FLT3: variants seen among roughly 807,000 people sequenced by gnomAD.
FLT3 encodes the protein fms related receptor tyrosine kinase 3.
In FLT3, 46 loss-of-function variants were observed where a neutral mutation model predicts 126.6. That is an observed-to-expected ratio of 0.36 (90% CI 0.29 to 0.46). The LOEUF (loss-of-function observed/expected upper bound fraction) is 0.46. Among genes scored for constraint, FLT3 ranks in the 20% least tolerant of loss-of-function variants. FLT3 has a pLI of 1.00. For synonymous variants in FLT3, 404 were observed against 434.4 expected, an observed-to-expected ratio of 0.93 and a Z score of 0.87; for missense variants, 1,069 against 1,190.3, an observed-to-expected ratio of 0.90 and a Z score of 1.50.
At position 28,038,609 on chromosome 13, in the gene FLT3, C is replaced by T. The variant is rs188375263; in HGVS notation, c.1206-1321G>A. 7.1e-3 allele frequency among the ~76,000 whole-genome samples: 1,087 copies of T among 152,054 alleles called. 6 individuals carry two copies. Among genetic ancestry groups the T allele is most frequent in the Non-Finnish European group, 0.012 (836 of 67,980 alleles). On this transcript the variant is annotated intron_variant, in intron 9 of 23. Coordinates refer to ENST00000241453, the MANE Select transcript of FLT3 (RefSeq NM_004119.3). ...CTGGGACTACAGGCTCCTGCCACCA[C>T]GCCCGGCTAATTTTTTATATTTTTT... is the stretch of plus-strand genomic sequence containing the variant.
At chr13:28,049,351 A>G in intron 8 of FLT3, 33 bp downstream of exon 8, 1 of 1,590,270 alleles carries the variant, frequency 6.3e-7, no homozygotes, top group Non-Finnish European at 8.6e-7. Context: ...GACTAAAAAT[A>G]GGAATAAAGA....
chr13:28,093,655 G>A (rs1326597584), intron 1 of FLT3, among the ~76,000 whole-genome samples: 3 of 152,020 alleles, frequency 2.0e-5, no homozygotes, highest in Non-Finnish European at 2.9e-5. Flanking sequence ...TTCTTTCTCT[G>A]ACAAGTCTTA....
chr13:28,083,718 G>A (rs1239453964), intron 1 of FLT3, among the ~76,000 whole-genome samples: 1 of 152,126 alleles, frequency 6.6e-6, no homozygotes, highest in Non-Finnish European at 1.5e-5. Context: ...TTGATAGTAT[G>A]TGTCTTTTAT....
chr13:28,091,828 G>A (rs1879126419), intron 1 of FLT3, among the ~76,000 whole-genome samples: 1 of 152,122 alleles, frequency 6.6e-6, no homozygotes, highest in South Asian at 2.1e-4. Flanking sequence ...CCAGCACTTT[G>A]GGAGGCCAAG....
At chr13:28,014,124 T>C (rs1463751347) in intron 23 of FLT3, among the ~76,000 whole-genome samples, 2 of 151,946 alleles carry the variant, frequency 1.3e-5, no homozygotes, top group African/African-American at 4.8e-5. Context: ...ATAAAAAACT[T>C]AGCCTGGCGT....
rs74601498 is a variant in FLT3, at chr13:28,047,168, C to T, written c.1205+1107G>A. Among the ~76,000 whole-genome samples, 41 of 152,248 alleles carry T rather than the reference C, an allele frequency of 2.7e-4. No individual in the cohort carries two copies. In the East Asian group the frequency reaches 6.2e-3, roughly 23 times the overall value. On this transcript the variant is annotated intron_variant, in intron 9 of 23. Coordinates refer to ENST00000241453, the MANE Select transcript of FLT3 (RefSeq NM_004119.3). ...GTCTGGAATGGGAGCCAGGAATCCA[C>T]ATTTTAAACATTTGCTCAGATGATT...
At position 28,035,627 on chromosome 13, in the gene FLT3, T is replaced by C. The variant is rs1302960705; in HGVS notation, c.1465A>G (p.Arg489Gly). 3 of 1,614,058 alleles carry C rather than the reference T, an allele frequency of 1.9e-6. No individual in the cohort carries two copies. In the African/African-American group the frequency reaches 4.0e-5, roughly 22 times the overall value. The change falls in exon 12 of 24, where the codon AGA becomes GGA. Residue 489 changes from arginine to glycine, a missense_variant. Transcript: ENST00000241453. ...TEGVWNRKAN[R>G]KVFGQWVSSS... ...GACACCCACTGTCCAAACACTTTTC[T>C]GTTAGCCTTTCTATTCCAGACTCCT... is the stretch of plus-strand genomic sequence containing the variant.
At chr13:28,058,147 C>T (rs1876182498) in intron 3 of FLT3, among the ~76,000 whole-genome samples, 1 of 148,602 alleles carries the variant, frequency 6.7e-6, no homozygotes, top group Admixed American at 6.8e-5. Context: ...TCACTTGAGC[C>T]CAGGAGGTCA....
rs773417784 is a variant in FLT3, at chr13:28,057,327, T to C, written c.484+20A>G. On this transcript the variant is annotated intron_variant, in intron 4 of 23. Transcript: ENST00000241453. ...ATTGTGGTATTCCAGGCTGGAATAC[T>C]AGTAGCAGGCTGGACTTACTTCTTA... The C allele has an allele frequency of 9.9e-7, 1 of 1,010,574 alleles. No individual in the cohort carries two copies. The highest frequency in any genetic ancestry group is 1.6e-6 in the Non-Finnish European group (1 of 628,322). The allele number at this position is 1,010,574 out of a possible 1,614,324, so 62.6% of individuals were successfully genotyped here.
intron 1 of FLT3, among the ~76,000 whole-genome samples, chr13:28,092,915 CTTTTTTTT>C (rs780584936): frequency 2.2e-5 from 2 of 89,828 alleles, no homozygotes; most frequent in Non-Finnish European, 4.0e-5. Context: ...CCAGAGACTA[CTTTTTTTT>C]TTTTTTTTTT....
intron 23 of FLT3, among the ~76,000 whole-genome samples, chr13:28,007,460 T>G (rs1260844829): frequency 6.6e-6 from 1 of 152,110 alleles, no homozygotes; most frequent in East Asian, 1.9e-4. Context: ...TTGCCCAGTC[T>G]GGTCTCAAAC....
intron 6 of FLT3, 143 bp from the exon 7 acceptor site, chr13:28,049,917 G>C: frequency 9.1e-7 from 1 of 1,101,850 alleles, no homozygotes; most frequent in Admixed American, 2.7e-5. Context: ...TTTAGAGACT[G>C]ACTCCTCTTT....
intron 23 of FLT3, among the ~76,000 whole-genome samples, chr13:28,010,775 G>A (rs1871286878): frequency 6.6e-6 from 1 of 152,188 alleles, no homozygotes; most frequent in South Asian, 2.1e-4. Context: ...GGGAGGCCGA[G>A]GCAGGCGAAT....
intron 23 of FLT3, among the ~76,000 whole-genome samples, chr13:28,009,036 G>A (rs927295349): frequency 6.6e-6 from 1 of 151,912 alleles, no homozygotes; most frequent in African/African-American, 2.4e-5. Flanking sequence ...GAGTGCAGCA[G>A]CCCAGTTATA....
At chr13:28,084,245 A>C (rs772962866) in intron 1 of FLT3, among the ~76,000 whole-genome samples, 1 of 151,996 alleles carries the variant, frequency 6.6e-6, no homozygotes, top group South Asian at 2.1e-4. Context: ...TTGCCACCTC[A>C]GCCTCCAAAA....
intron 2 of FLT3, among the ~76,000 whole-genome samples, chr13:28,063,832 A>G (rs1315862770): frequency 6.6e-6 from 1 of 152,238 alleles, no homozygotes; most frequent in Non-Finnish European, 1.5e-5. Context: ...TCCCATAAAA[A>G]GATACCAAAT....
intron 10 of FLT3, among the ~76,000 whole-genome samples, chr13:28,036,732 C>T (rs1873868456): frequency 6.6e-6 from 1 of 152,194 alleles, no homozygotes; most frequent in South Asian, 2.1e-4. Context: ...AATCCTAGCA[C>T]TTTGGGAGGC....
In FLT3 at chr13:28,025,658, C is replaced by T. The variant is rs969165291; in HGVS notation, c.2208-715G>A. ...CAGTGAACAGAACGAATCAAAGGGG[C>T]TAAGTACTGACCAGTGGATACTGGT... On this transcript the variant is annotated intron_variant, in intron 17 of 23. Transcript: ENST00000241453. 2.4e-4 allele frequency among the ~76,000 whole-genome samples: 36 copies of T among 152,164 alleles called. 1 individual carries two copies. The highest frequency in any genetic ancestry group is 8.2e-4 in the African/African-American group (34 of 41,422).
rs142027185 is a variant in FLT3, at chr13:28,003,296, T to C, written c.*756A>G. 8.9e-4 allele frequency: 207 copies of C among 232,896 alleles called. No homozygotes were observed. The East Asian group carries it at 9.5e-3, about 11-fold the overall frequency. 14.4% of individuals were successfully genotyped at this position (232,896 alleles called of 1,614,324 possible). On this transcript the variant is annotated 3_prime_UTR_variant, in exon 24 of 24. Coordinates refer to ENST00000241453, the MANE Select transcript of FLT3 (RefSeq NM_004119.3). ...GACTGTGGGGACAAGAGTAACTTTATTGAAAATACTAATCCTCCATGTTAC... is the reference window on the plus strand; with the variant it reads ...GACTGTGGGGACAAGAGTAACTTTACTGAAAATACTAATCCTCCATGTTAC...
Sources: allele counts gnomAD v4.1 joint callset (sites outside exome capture counted in the v4.1 genomes callset), GRCh38; gene constraint gnomAD v4.1.1; transcripts MANE v1.5; gene names NCBI Gene and HGNC (gene_info 2026-07-23, HGNC 2026-07-21).